The following CCSER2 variants were observed in gnomAD, a reference collection of about 807,000 sequenced individuals.
The protein encoded by CCSER2 is serine-rich coiled-coil domain-containing protein 2.
In CCSER2, 46 loss-of-function variants were observed where a neutral mutation model predicts 92.3. That is an observed-to-expected ratio of 0.50 (90% CI 0.39 to 0.64). The LOEUF (loss-of-function observed/expected upper bound fraction) is 0.64, where lower values mean the gene tolerates loss of function less well. CCSER2 is among the 30% of genes least tolerant of loss of function. The pLI is 0.00. For missense variants in CCSER2, 1,244 were observed against 1,238.9 expected, an observed-to-expected ratio of 1.00 and a Z score of -0.06; for synonymous variants, 433 against 431.4, an observed-to-expected ratio of 1.00 and a Z score of -0.04.
At chr10:84,395,983 G>A (rs951292602) in intron 3 of CCSER2, among the ~76,000 whole-genome samples, 3 of 152,016 alleles carry the variant, frequency 2.0e-5, no homozygotes, top group African/African-American at 4.8e-5. Context: ...ACAATTATAT[G>A]TATACACACA....
chr10:84,447,646 TC>T (rs1845008436), intron 6 of CCSER2, among the ~76,000 whole-genome samples: 1 of 152,216 alleles, frequency 6.6e-6, no homozygotes, highest in South Asian at 2.1e-4. Context: ...TCTATTCTTT[TC>T]TAAAAAATTA....
intron 1 of CCSER2, among the ~76,000 whole-genome samples, chr10:84,346,711 G>A (rs977506743): frequency 4.6e-5 from 7 of 151,392 alleles, no homozygotes; most frequent in Non-Finnish European, 1.5e-5. Context: ...TACTTCATGG[G>A]AGATGGAAGA....
At chr10:84,360,613 CTCAGTCAACCCCTTT>C (rs539819685) in intron 1 of CCSER2, among the ~76,000 whole-genome samples, 2,076 of 152,344 alleles carry the variant, frequency 0.014, 44 homozygotes, top group African/African-American at 0.047. Context: ...TTGCCAATGT[CTCAGTCAACCCCTTT>C]TCAGTTAGCC....
chr10:84,372,103 G>T lies in CCSER2; in HGVS notation c.1051G>T (p.Asp351Tyr). ...ACCTGCTGACACATGTGTAGAGGAA[G>T]ATGCTACAGTTTTGGCTAAGGACAG... ...NSPADTCVEE[D>Y]ATVLAKDRAA... is the part of the protein sequence containing the mutation. The change falls in exon 2 of 10, where the codon GAT becomes TAT. Residue 351 changes from aspartate to tyrosine, a missense_variant. Coordinates refer to ENST00000372088, the MANE Select transcript of CCSER2 (RefSeq NM_001284240.2). 6.2e-7 allele frequency: 1 copy of T among 1,613,696 alleles called. No individual in the cohort carries two copies. Among genetic ancestry groups the T allele is most frequent in the Non-Finnish European group, 8.5e-7 (1 of 1,179,758 alleles).
At position 84,514,542 on chromosome 10, in the gene CCSER2, T is replaced by C; in HGVS notation, c.*275T>C. 2.3e-6 allele frequency: 1 copy of C among 437,568 alleles called. No homozygotes were observed. Among genetic ancestry groups the C allele is most frequent in the Non-Finnish European group, 4.0e-6 (1 of 248,306 alleles). The allele number at this position is 437,568 out of a possible 1,614,324, so 27.1% of individuals were successfully genotyped here. A position where few individuals can be genotyped will look rare whatever the true frequency, so the allele number is the denominator to read the frequency against. On this transcript the variant is annotated 3_prime_UTR_variant, in exon 10 of 10. Transcript: ENST00000372088. ...GCCCAAATCATGTTATCCATCCCTC[T>C]CCACGTCAGAAAATTCATAATATTT...
intron 6 of CCSER2, among the ~76,000 whole-genome samples, chr10:84,450,124 C>A (rs565382804): frequency 6.6e-6 from 1 of 152,124 alleles, no homozygotes; most frequent in Non-Finnish European, 1.5e-5. Context: ...TACTTCAATA[C>A]CTGTGTTTGT....
chr10:84,379,613 C>T (rs1589491173), intron 3 of CCSER2, among the ~76,000 whole-genome samples: 1 of 140,554 alleles, frequency 7.1e-6, no homozygotes, highest in Non-Finnish European at 1.6e-5. Flanking sequence ...GCAGTTAGTT[C>T]TTTTTATGTG....
intron 7 of CCSER2, among the ~76,000 whole-genome samples, chr10:84,466,803 G>A (rs911033902): frequency 1.3e-5 from 2 of 151,882 alleles, no homozygotes; most frequent in Non-Finnish European, 2.9e-5. Context: ...GTAAGCCACC[G>A]CGCCCGGCCT....
At chr10:84,376,146 A>T (rs1276558627) in intron 3 of CCSER2, among the ~76,000 whole-genome samples, 1 of 152,132 alleles carries the variant, frequency 6.6e-6, no homozygotes, top group East Asian at 1.9e-4. Context: ...CATGTCAAGG[A>T]TCCCAACAAA....
At chr10:84,363,616 G>A (rs1845626819) in intron 1 of CCSER2, among the ~76,000 whole-genome samples, 1 of 152,200 alleles carries the variant, frequency 6.6e-6, no homozygotes, top group Non-Finnish European at 1.5e-5. Context: ...CAGTGAGTGG[G>A]TGGTTCCTCA....
chr10:84,446,718 C>T (rs1013777243), intron 6 of CCSER2, among the ~76,000 whole-genome samples: 1 of 152,162 alleles, frequency 6.6e-6, no homozygotes, highest in Non-Finnish European at 1.5e-5. Flanking sequence ...AATAAGCTCC[C>T]TGTATGCTCC....
chr10:84,374,294 G>A (rs772277944), intron 3 of CCSER2, among the ~76,000 whole-genome samples: 3 of 152,078 alleles, frequency 2.0e-5, no homozygotes, highest in Non-Finnish European at 2.9e-5. Context: ...CTATACTGAG[G>A]TAACATTGAA....
At chr10:84,433,236 G>T (rs970358535) in intron 5 of CCSER2, among the ~76,000 whole-genome samples, 1 of 152,136 alleles carries the variant, frequency 6.6e-6, no homozygotes, top group Non-Finnish European at 1.5e-5. Context: ...TCACCTTGCC[G>T]ATATCCTCAA....
chr10:84,340,339 C>G (rs1208346264), intron 1 of CCSER2, among the ~76,000 whole-genome samples: 1 of 151,988 alleles, frequency 6.6e-6, no homozygotes, highest in South Asian at 2.1e-4. Flanking sequence ...GCTCTCTTGC[C>G]CCCACTTATA....
At chr10:84,392,050 T>C (rs1841549644) in intron 3 of CCSER2, 1 of 1,155,560 alleles carries the variant, frequency 8.7e-7, no homozygotes, top group Middle Eastern at 2.9e-4. Flanking sequence ...TGGTGTTTAA[T>C]ACACTTAAGC....
intron 3 of CCSER2, among the ~76,000 whole-genome samples, chr10:84,407,237 A>C (rs1447465271): frequency 1.3e-5 from 2 of 152,214 alleles, no homozygotes; most frequent in Non-Finnish European, 2.9e-5. Context: ...GTATTCTTTT[A>C]CATTCTACCA....
intron 8 of CCSER2, among the ~76,000 whole-genome samples, chr10:84,476,427 T>TTC (rs1414515699): frequency 3.3e-4 from 47 of 142,832 alleles, no homozygotes; most frequent in Middle Eastern, 3.5e-3. Flanking sequence ...TAAGGGTGAA[T>TTC]TCTCTCTCTT....
intron 4 of CCSER2, chr10:84,425,194 C>A: frequency 1.0e-6 from 1 of 981,896 alleles, no homozygotes; most frequent in Non-Finnish European, 1.2e-6. Context: ...GCTCTTACTG[C>A]AGGCAGATTG....
chr10:84,484,266 G>A (rs776009258), intron 9 of CCSER2, among the ~76,000 whole-genome samples: 3 of 151,104 alleles, frequency 2.0e-5, no homozygotes, highest in South Asian at 2.1e-4. Context: ...GTGAGCCACC[G>A]CACCCAGCCC....
Sources: gnomAD v4.1 joint callset for allele counts (sites outside exome capture counted in the v4.1 genomes callset) on GRCh38, gnomAD v4.1.1 for gene constraint, MANE v1.5 for transcripts, NCBI Gene and HGNC (gene_info 2026-07-23, HGNC 2026-07-21) for gene names.